Variants in NPAP1 observed in about 807,000 individuals in gnomAD.
NPAP1 encodes nuclear pore associated protein 1.
For synonymous variants in NPAP1, 616 were observed against 581.4 expected, an observed-to-expected ratio of 1.06 and a Z score of -0.86; for missense variants, 1,483 against 1,454.5, an observed-to-expected ratio of 1.02 and a Z score of -0.32.
rs180972218 is a variant in NPAP1, at chr15:24,682,851, G to A, written c.*3513G>A. The A allele has an allele frequency of 2.8e-3, 476 of 167,142 alleles. 1 individual carries two copies. The highest frequency in any genetic ancestry group is 6.8e-3 in the Middle Eastern group (2 of 296). 10.4% of individuals were successfully genotyped at this position (167,142 alleles called of 1,614,324 possible). A position where few individuals can be genotyped will look rare whatever the true frequency, so the allele number is the denominator to read the frequency against. On this transcript the variant is annotated 3_prime_UTR_variant, in exon 1 of 1. Transcript: ENST00000329468. ...GAGCCTCCTCCACTGGTTTGGGAGT[G>A]GTAAGACCAAAGTAAATGTAAAAAG...
rs1171644206 is a variant in NPAP1 at position 24,678,176 on chromosome 15, C to G, written c.2309C>G (p.Pro770Arg). The stretch of plus-strand genomic sequence containing the variant: ...CATCCTTTAAATCCAGGAGCCACCC[C>G]TCAACCCAAATTTGGGGCCCCTGAT... The part of the protein sequence containing the change: ...SNHPLNPGAT[P>R]QPKFGAPDGP... The change falls in exon 1 of 1, where the codon CCT (proline) becomes CGT (arginine). Residue 770 changes from proline (P) to arginine (R), a missense_variant. By Grantham distance (103) the Pro-to-Arg change is moderately radical. Transcript: ENST00000329468. The G allele has an allele frequency of 6.2e-7, 1 of 1,613,698 alleles. No homozygotes were observed. Among genetic ancestry groups the G allele is most frequent in the Middle Eastern group, 1.7e-4 (1 of 6,060 alleles).
chr15:24,675,857 G>A lies in NPAP1; in HGVS notation c.-11G>A, dbSNP rs1178001853. On this transcript the variant is annotated 5_prime_UTR_variant, in exon 1 of 1. Transcript: ENST00000329468. ...ACCCTGTTTTACGGTAGGAGGCACG[G>A]CTAGCTCTAAATGGGCAATTTACTT... 8.5e-6 allele frequency: 13 copies of A among 1,524,146 alleles called. No homozygotes were observed. The highest frequency in any genetic ancestry group is 1.1e-5 in the Non-Finnish European group (13 of 1,138,274). The allele number at this position is 1,524,146 out of a possible 1,614,324, so 94.4% of individuals were successfully genotyped here.
Position 24,680,105 on chromosome 15 carries a change from C to T in NPAP1, c.*767C>T, listed in dbSNP as rs907706056. 9.2e-5 allele frequency: 15 copies of T among 163,802 alleles called. No homozygotes were observed. The highest frequency in any genetic ancestry group is 2.0e-4 in the Non-Finnish European group (14 of 69,386). The allele number at this position is 163,802 out of a possible 1,614,324, so 10.1% of individuals were successfully genotyped here. A position where few individuals can be genotyped will look rare whatever the true frequency, so the allele number is the denominator to read the frequency against. On this transcript the variant is annotated 3_prime_UTR_variant, in exon 1 of 1. Transcript: ENST00000329468. ...CCACCTCCTGGGTTCAAGCAATTCTCCTGTCTTAGCCTCCTGAGTAGCTGG... is the reference window on the plus strand; with the variant it reads ...CCACCTCCTGGGTTCAAGCAATTCTTCTGTCTTAGCCTCCTGAGTAGCTGG...
chr15:24,676,208 TA>T, the NPAP1 span: 4 of 1,536,228 alleles, frequency 2.6e-6, no homozygotes, highest in African/African-American at 4.2e-5. Context: ...CCCAGTTCCG[TA>T]AGGATCCCTC....
chr15:24,677,440 C>A lies in NPAP1; in HGVS notation c.1573C>A (p.Pro525Thr), dbSNP rs1226786369. The A allele has an allele frequency of 6.2e-7, 1 of 1,614,174 alleles. No homozygotes were observed. Residue 525 changes from proline (P) to threonine (T), a missense_variant, in exon 1 of 1, where the codon CCT (proline) becomes ACT (threonine). By Grantham distance (38) the Pro-to-Thr change is conservative (BLOSUM62 -1). Coordinates refer to ENST00000329468, the MANE Select transcript of NPAP1 (RefSeq NM_018958.3). The stretch of plus-strand genomic sequence containing the variant: ...AATATCTATGTGTGTGGATTCCCCT[C>A]CTCCTCTTTCCTTCCTGACTCTTCT... The part of the protein sequence containing the change: ...SPISMCVDSP[P>T]PLSFLTLLPV...
chr15:24,678,659 C>T lies in NPAP1; in HGVS notation c.2792C>T (p.Pro931Leu), dbSNP rs2048995212. 6.2e-7 allele frequency: 1 copy of T among 1,614,156 alleles called. No homozygotes were observed. The highest frequency in any genetic ancestry group is 1.3e-5 in the African/African-American group (1 of 75,064). Reference protein sequence around the residue: ...TPAPVIGLTSPSVQPLSGSII... With the variant: ...TPAPVIGLTSLSVQPLSGSII... ...GCACCAGTTATAGGCTTAACATCTC[C>T]TTCAGTCCAGCCACTGAGTGGCAGC... Residue 931 changes from proline (P) to leucine (L), a missense_variant, in exon 1 of 1, where the codon CCT becomes CTT. Coordinates refer to ENST00000329468, the MANE Select transcript of NPAP1 (RefSeq NM_018958.3).
At position 24,676,343 on chromosome 15, in the gene NPAP1, G is replaced by C. The variant is rs2141307805; in HGVS notation, c.476G>C (p.Arg159Thr). The change falls in exon 1 of 1, where the codon AGA (arginine) becomes ACA (threonine). Residue 159 changes from arginine to threonine, a missense_variant. Physicochemically the swap from Arg to Thr is moderately conservative, Grantham distance 71. Transcript: ENST00000329468. ...TEVWAQEGPR[R>T]VKKDEDPVQI... Reference sequence around the variant, plus strand: ...GTGTGGGCCCAAGAAGGGCCCAGAAGAGTGAAGAAGGATGAGGATCCGGTG... The same window carrying C: ...GTGTGGGCCCAAGAAGGGCCCAGAACAGTGAAGAAGGATGAGGATCCGGTG... The C allele has an allele frequency of 6.5e-7, 1 of 1,537,542 alleles. No homozygotes were observed. Among genetic ancestry groups the C allele is most frequent in the Non-Finnish European group, 8.7e-7 (1 of 1,146,252 alleles).
Position 24,676,931 on chromosome 15 carries a change from C to G in NPAP1, c.1064C>G (p.Ala355Gly), listed in dbSNP as rs1471735891. Residue 355 changes from alanine (A) to glycine (G), a missense_variant, in exon 1 of 1, where the codon GCT becomes GGT. By Grantham distance (60) the Ala-to-Gly change is moderately conservative. Coordinates refer to ENST00000329468, the MANE Select transcript of NPAP1 (RefSeq NM_018958.3). ...GATCGAGGTGAGCTTCCCCCACCTGCTAAGCTCCCCTGCCTGTCTGTTGAG... is the reference window on the plus strand; with the variant it reads ...GATCGAGGTGAGCTTCCCCCACCTGGTAAGCTCCCCTGCCTGTCTGTTGAG... ...LWDRGELPPPAKLPCLSVEGD... is the reference protein window; with the variant it reads ...LWDRGELPPPGKLPCLSVEGD... 1 of 1,613,698 alleles carries G rather than the reference C, an allele frequency of 6.2e-7. No homozygotes were observed. Among genetic ancestry groups the G allele is most frequent in the East Asian group, 2.2e-5 (1 of 44,856 alleles).
At position 24,676,641 on chromosome 15, in the gene NPAP1, T is replaced by G. The variant is rs2141308453; in HGVS notation, c.774T>G (p.Asp258Glu). The change falls in exon 1 of 1, where the codon GAT becomes GAG. Residue 258 changes from aspartate (D) to glutamate (E), a missense_variant. Physicochemically the swap from Asp to Glu is conservative, Grantham distance 45. Coordinates refer to ENST00000329468, the MANE Select transcript of NPAP1 (RefSeq NM_018958.3). ...GGCATCTTGGAAAGCCTGATCCGGA[T>G]GCAACAGCGCCCCCTGAGCCAGCCG... ...CARHLGKPDP[D>E]ATAPPEPAVG... The G allele has an allele frequency of 6.2e-7, 1 of 1,613,942 alleles. No homozygotes were observed. The highest frequency in any genetic ancestry group is 8.5e-7 in the Non-Finnish European group (1 of 1,180,024).
rs1025639317 is a variant in NPAP1 at position 24,680,022 on chromosome 15, A to G, written c.*684A>G. ...TTGTTTGTTTGTTTGTTTGTTTTTGAGACGGAGCCTTAGCCCAGGCTGGAG... is the reference window on the plus strand; with the variant it reads ...TTGTTTGTTTGTTTGTTTGTTTTTGGGACGGAGCCTTAGCCCAGGCTGGAG... On this transcript the variant is annotated 3_prime_UTR_variant, in exon 1 of 1. Transcript: ENST00000329468. 1.0e-5 allele frequency: 2 copies of G among 190,690 alleles called. No individual in the cohort carries two copies. Among genetic ancestry groups the G allele is most frequent in the East Asian group, 3.4e-4 (2 of 5,850 alleles). 11.8% of individuals were successfully genotyped at this position (190,690 alleles called of 1,614,324 possible).
chr15:24,676,100 C>A lies in NPAP1; in HGVS notation c.233C>A (p.Ala78Glu), dbSNP rs1170529113. Reference sequence around the variant, plus strand: ...AGGCCGTGTCCTCTCCCTCGGGCTGCGGCCGCCCCTCTGGGGGTCCTGCCG... The same window carrying A: ...AGGCCGTGTCCTCTCCCTCGGGCTGAGGCCGCCCCTCTGGGGGTCCTGCCG... ...PKRPCPLPRA[A>E]AAPLGVLPAV... is the part of the protein sequence containing the mutation. The change falls in exon 1 of 1, where the codon GCG (alanine) becomes GAG (glutamate). Residue 78 changes from alanine to glutamate, a missense_variant. Ala to Glu is a moderately radical substitution (Grantham distance 107). Coordinates refer to ENST00000329468, the MANE Select transcript of NPAP1 (RefSeq NM_018958.3). 6.4e-7 allele frequency: 1 copy of A among 1,560,470 alleles called. No individual in the cohort carries two copies. The highest frequency in any genetic ancestry group is 1.2e-5 in the South Asian group (1 of 82,470).
rs2048976910 is a variant in NPAP1, at chr15:24,676,562, C to T, written c.695C>T (p.Ser232Phe). The T allele has an allele frequency of 6.2e-7, 1 of 1,613,970 alleles. No individual in the cohort carries two copies. The highest frequency in any genetic ancestry group is 1.7e-5 in the Admixed American group (1 of 60,014). Residue 232 changes from serine to phenylalanine, a missense_variant, in exon 1 of 1, where the codon TCC becomes TTC. By Grantham distance (155) the Ser-to-Phe change is radical (BLOSUM62 -2). Coordinates refer to ENST00000329468, the MANE Select transcript of NPAP1 (RefSeq NM_018958.3). ...SEKAQASPAS[S>F]CLEGPAMPST... is the part of the protein sequence containing the mutation. ...AAGGCCCAGGCGTCTCCAGCGAGCT[C>T]CTGCTTGGAAGGCCCTGCCATGCCC...
chr15:24,677,131 G>A lies in NPAP1; in HGVS notation c.1264G>A (p.Ala422Thr), dbSNP rs2141309664. The A allele has an allele frequency of 3.1e-6, 5 of 1,614,024 alleles. No individual in the cohort carries two copies. The highest frequency in any genetic ancestry group is 4.2e-6 in the Non-Finnish European group (5 of 1,180,002). ...GACCACTTACACTTCCCAGGTCTCA[G>A]CTCCTTTGCCCATCCCTGACTTGGC... ...PLTTYTSQVS[A>T]PLPIPDLADL... Residue 422 changes from alanine (A) to threonine (T), a missense_variant, in exon 1 of 1, where the codon GCT becomes ACT. Coordinates refer to ENST00000329468, the MANE Select transcript of NPAP1 (RefSeq NM_018958.3).
chr15:24,677,460 T>A lies in NPAP1; in HGVS notation c.1593T>A (p.Thr531=), dbSNP rs759292609. 6.2e-7 allele frequency: 1 copy of A among 1,614,132 alleles called. No homozygotes were observed. The highest frequency in any genetic ancestry group is 8.5e-7 in the Non-Finnish European group (1 of 1,180,020). Residue 531 remains threonine (T), a synonymous_variant, in exon 1 of 1, where the codon ACT becomes ACA. Coordinates refer to ENST00000329468, the MANE Select transcript of NPAP1 (RefSeq NM_018958.3). ...CCCCTCCTCCTCTTTCCTTCCTGACTCTTCTTCCAGTCCCTTCCACCGGGA... is the reference window on the plus strand; with the variant it reads ...CCCCTCCTCCTCTTTCCTTCCTGACACTTCTTCCAGTCCCTTCCACCGGGA... The part of the protein sequence containing the change: ...VDSPPPLSFL[T]LLPVPSTGTS...
Position 24,676,878 on chromosome 15 carries a change from G to A in NPAP1, c.1011G>A (p.Pro337=), listed in dbSNP as rs142610787. 3.1e-6 allele frequency: 5 copies of A among 1,613,258 alleles called. No homozygotes were observed. Among genetic ancestry groups the A allele is most frequent in the Admixed American group, 1.7e-5 (1 of 60,006 alleles). Residue 337 remains proline, a synonymous_variant, in exon 1 of 1, where the codon CCG becomes CCA. Coordinates refer to ENST00000329468, the MANE Select transcript of NPAP1 (RefSeq NM_018958.3). ...KRKMSIPLLL[P]LPPSLPLLWD... ...AAATGTCGATTCCATTGCTGCTGCCGCTGCCCCCTTCACTGCCATTGCTGT... is the reference window on the plus strand; with the variant it reads ...AAATGTCGATTCCATTGCTGCTGCCACTGCCCCCTTCACTGCCATTGCTGT...
In NPAP1 at chr15:24,677,322, T is replaced by C. The variant is rs2141310103; in HGVS notation, c.1455T>C (p.Asn485=). The change falls in exon 1 of 1, where the codon AAT becomes AAC. Residue 485 remains asparagine (N), a synonymous_variant. Transcript: ENST00000329468. ...CTAATGAGAAAGGAGGCTCTTATAA[T>C]TCAGTCGTAGGAGCAGCGCCTCTCA... ...DQSNEKGGSY[N]SVVGAAPLTS... is the part of the protein sequence containing the mutation. 6.2e-7 allele frequency: 1 copy of C among 1,614,160 alleles called. No homozygotes were observed. Among genetic ancestry groups the C allele is most frequent in the Non-Finnish European group, 8.5e-7 (1 of 1,180,034 alleles).
In NPAP1 at chr15:24,676,419, A is replaced by G. The variant is rs2141307974; in HGVS notation, c.552A>G (p.Glu184=). ...DEKRTPLSSG[E]ASSTSRSQGT... is the part of the protein sequence containing the mutation. ...AAAGGACCCCCCTTAGCAGCGGAGA[A>G]GCATCGTCCACATCCAGGTCCCAGG... The change falls in exon 1 of 1, where the codon GAA becomes GAG. Residue 184 remains glutamate (E), a synonymous_variant. Transcript: ENST00000329468. 1.2e-6 allele frequency: 2 copies of G among 1,605,996 alleles called. No homozygotes were observed. Among genetic ancestry groups the G allele is most frequent in the Non-Finnish European group, 1.7e-6 (2 of 1,176,798 alleles).
chr15:24,678,995 G>T lies in NPAP1; in HGVS notation c.3128G>T (p.Ser1043Ile), dbSNP rs1301938223. 1 of 1,614,168 alleles carries T rather than the reference G, an allele frequency of 6.2e-7. No individual in the cohort carries two copies. The highest frequency in any genetic ancestry group is 1.1e-5 in the South Asian group (1 of 91,090). The change falls in exon 1 of 1, where the codon AGT (serine) becomes ATT (isoleucine). Residue 1043 changes from serine to isoleucine, a missense_variant. Coordinates refer to ENST00000329468, the MANE Select transcript of NPAP1 (RefSeq NM_018958.3). ...SGELNIGQGQ[S>I]GTPSTTSVFP... ...GAACTCAACATTGGACAAGGACAGA[G>T]TGGGACACCCAGCACCACTTCTGTT...
Position 24,679,169 on chromosome 15 carries a change from G to A in NPAP1, c.3302G>A (p.Gly1101Asp), listed in dbSNP as rs146375975. Reference sequence around the variant, plus strand: ...CCACCTACCCAGAATTCATGCAGTGGTATGGGAGGGGATGGCACCAGATCC... The same window carrying A: ...CCACCTACCCAGAATTCATGCAGTGATATGGGAGGGGATGGCACCAGATCC... The part of the protein sequence containing the change: ...LDPPTQNSCS[G>D]MGGDGTRSIV... Residue 1101 changes from glycine to aspartate, a missense_variant, in exon 1 of 1, where the codon GGT becomes GAT. Transcript: ENST00000329468. The A allele has an allele frequency of 1.8e-3, 2,847 of 1,614,208 alleles. 4 individuals carry two copies. Among genetic ancestry groups the A allele is most frequent in the Non-Finnish European group, 2.3e-3 (2,680 of 1,180,044 alleles).
Sources: allele counts gnomAD v4.1 joint callset, GRCh38; gene constraint gnomAD v4.1.1; transcripts MANE v1.5; gene names NCBI Gene and HGNC (gene_info 2026-07-23, HGNC 2026-07-21).